The following VAV3 variants were observed in gnomAD, a reference collection of about 807,000 sequenced individuals.
The protein encoded by VAV3 is guanine nucleotide exchange factor VAV3.
Under a neutral mutation model 131.2 loss-of-function variants are expected in VAV3, and 94 were observed. The observed-to-expected ratio is 0.72, with a 90% confidence interval of 0.61 to 0.85. The LOEUF is 0.85. Ranked by LOEUF, VAV3 falls within the 40% of genes least tolerant of loss-of-function variation. The probability of loss-of-function intolerance (pLI) is 0.00; values close to 1 mark genes in which losing one functional copy is unlikely to be tolerated. For synonymous variants in VAV3, 349 were observed against 342.0 expected (o/e 1.02, Z -0.22); for missense variants, 939 against 1,002.7 (o/e 0.94, Z 0.86).
intron 25 of VAV3, among the ~76,000 whole-genome samples, chr1:107,575,005 GCGCGCGCGCGCACA>G (rs1376762244): frequency 0.24 from 9,427 of 39,202 alleles, 415 homozygotes; most frequent in East Asian, 0.46. Context: ...GTGCGTGCGC[GCGCGCGCGCGCACA>G]CGCGCGCGTG....
intron 1 of VAV3, among the ~76,000 whole-genome samples, chr1:107,922,005 AAT>A (rs1672922835): frequency 6.6e-6 from 1 of 152,230 alleles, no homozygotes; most frequent in South Asian, 2.1e-4. Context: ...TGACCCAAGG[AAT>A]AGACACTAAG....
chr1:107,611,787 G>C (rs1055493438), intron 21 of VAV3, among the ~76,000 whole-genome samples: 1 of 152,104 alleles, frequency 6.6e-6, no homozygotes, highest in Non-Finnish European at 1.5e-5. Context: ...TCCCACTAGA[G>C]CTTTTCTCTC....
At chr1:107,617,468 A>G (rs1653246576) in intron 21 of VAV3, 99 bp downstream of exon 21, 3 of 901,472 alleles carry the variant, frequency 3.3e-6, no homozygotes, top group Non-Finnish European at 5.0e-6. Context: ...AATAAAATTA[A>G]TAACTGACCT....
chr1:107,746,925 G>C (rs1292303050), intron 15 of VAV3, among the ~76,000 whole-genome samples: 1 of 151,122 alleles, frequency 6.6e-6, no homozygotes, highest in Non-Finnish European at 1.5e-5. Context: ...TAGTACCCAG[G>C]CTGGAGTGCA....
intron 25 of VAV3, among the ~76,000 whole-genome samples, chr1:107,585,546 C>T (rs1454712586): frequency 2.0e-5 from 3 of 152,110 alleles, no homozygotes; most frequent in African/African-American, 7.2e-5. Flanking sequence ...GCTACTCTTC[C>T]TCTTGGTCCT....
chr1:107,645,827 T>C (rs1285736749), intron 19 of VAV3, among the ~76,000 whole-genome samples: 2 of 152,086 alleles, frequency 1.3e-5, no homozygotes, highest in African/African-American at 4.8e-5. Flanking sequence ...ATAGGTTTTC[T>C]TCTCCCCTTA....
intron 2 of VAV3, among the ~76,000 whole-genome samples, chr1:107,819,581 G>A (rs1318859146): frequency 6.6e-6 from 1 of 151,806 alleles, no homozygotes; most frequent in Non-Finnish European, 1.5e-5. Flanking sequence ...TCTTGGTGAT[G>A]AGAACAGGAA....
At chr1:107,574,332 G>A (rs1372705737) in intron 25 of VAV3, 134 bp from the exon 26 acceptor site, 56 of 1,108,134 alleles carry the variant, frequency 5.1e-5, no homozygotes, top group Non-Finnish European at 6.6e-5. Context: ...TAATGGCAGA[G>A]GAGCTTGAAA....
chr1:107,704,495 T>G, intron 17 of VAV3, 55 bp downstream of exon 17: 2 of 1,418,244 alleles, frequency 1.4e-6, no homozygotes, highest in Non-Finnish European at 2.0e-6. Context: ...TAATTATGTT[T>G]AGCAAATTTT....
intron 1 of VAV3, among the ~76,000 whole-genome samples, chr1:107,899,802 A>G (rs1477133059): frequency 2.0e-5 from 3 of 152,174 alleles, no homozygotes; most frequent in East Asian, 1.9e-4. Flanking sequence ...CTGGTGAATT[A>G]GGTTTTGAAA....
At chr1:107,911,819 C>T (rs928518148) in intron 1 of VAV3, among the ~76,000 whole-genome samples, 6 of 152,144 alleles carry the variant, frequency 3.9e-5, no homozygotes, top group African/African-American at 1.4e-4. Context: ...CACTCTGACC[C>T]ACAAATTTAG....
At chr1:107,877,961 G>GCTGCCAGC (rs1242182761) in intron 1 of VAV3, among the ~76,000 whole-genome samples, 1 of 152,114 alleles carries the variant, frequency 6.6e-6, no homozygotes, top group Non-Finnish European at 1.5e-5. Context: ...AGGAAGTGAG[G>GCTGCCAGC]CTGCCAGCCT....
intron 16 of VAV3, 149 bp from the exon 17 acceptor site, chr1:107,704,799 G>T: frequency 6.0e-6 from 6 of 993,810 alleles, no homozygotes; most frequent in Non-Finnish European, 9.0e-6. Context: ...GCTTCTGAAA[G>T]GACTGTCCAG....
chr1:107,919,777 A>G lies in VAV3; in HGVS notation c.205-44760T>C, dbSNP rs537461171. ...AAAACAATTTCTTAACAGTTAAACT[A>G]TCTTATGAAATCACCATAAACCATG... On this transcript the variant is annotated intron_variant, in intron 1 of 26. Transcript: ENST00000370056. Among the ~76,000 whole-genome samples, 6 of 152,330 alleles carry G rather than the reference A, an allele frequency of 3.9e-5. No homozygotes were observed. In the East Asian group the frequency reaches 9.6e-4, roughly 24 times the overall value.
chr1:107,582,939 G>T (rs988507935), intron 25 of VAV3, among the ~76,000 whole-genome samples: 2 of 151,964 alleles, frequency 1.3e-5, no homozygotes, highest in Admixed American at 6.6e-5. Context: ...GTAATGGGAT[G>T]GCTGGGTCAA....
At chr1:107,828,950 C>T (rs755643981) in intron 2 of VAV3, among the ~76,000 whole-genome samples, 1 of 152,164 alleles carries the variant, frequency 6.6e-6, no homozygotes, top group Non-Finnish European at 1.5e-5. Flanking sequence ...TGAACTACAT[C>T]ATTTGCAAAG....
intron 1 of VAV3, among the ~76,000 whole-genome samples, chr1:107,921,862 A>G (rs1672915684): frequency 6.6e-6 from 1 of 152,188 alleles, no homozygotes; most frequent in African/African-American, 2.4e-5. Flanking sequence ...AAGGTATTAA[A>G]AGTATGAGAA....
chr1:107,764,995 CT>C, intron 9 of VAV3, 80 bp downstream of exon 9: 1 of 842,942 alleles, frequency 1.2e-6, no homozygotes. Context: ...GGGAAATGTA[CT>C]GCTTCACTGA....
intron 15 of VAV3, among the ~76,000 whole-genome samples, chr1:107,735,860 C>A (rs1242812499): frequency 2.6e-5 from 4 of 152,134 alleles, no homozygotes; most frequent in Non-Finnish European, 5.9e-5. Flanking sequence ...TTTATGAGGT[C>A]AGCATCATCC....
Sources: allele counts gnomAD v4.1 joint callset (sites outside exome capture counted in the v4.1 genomes callset), GRCh38; gene constraint gnomAD v4.1.1; transcripts MANE v1.5; gene names NCBI Gene and HGNC (gene_info 2026-07-23, HGNC 2026-07-21).